Variants in NIPA2 observed in about 807,000 individuals in gnomAD.
The protein encoded by NIPA2 is NIPA magnesium transporter 2.
In NIPA2, 11 loss-of-function variants were observed where a neutral mutation model predicts 29.7. That is an observed-to-expected ratio of 0.37 (90% CI 0.23 to 0.61). The LOEUF (loss-of-function observed/expected upper bound fraction) is 0.61. Among genes scored for constraint, NIPA2 ranks in the 20% least tolerant of loss-of-function variants. The pLI is 0.66. For missense variants in NIPA2, 426 were observed against 437.9 expected, an observed-to-expected ratio of 0.97 and a Z score of 0.24; for synonymous variants, 183 against 161.9, an observed-to-expected ratio of 1.13 and a Z score of -0.99.
chr15:22,861,008 T>TA (rs1364005911), intron 7 of NIPA2, among the ~76,000 whole-genome samples: 16 of 152,238 alleles, frequency 1.1e-4, no homozygotes, highest in Non-Finnish European at 1.6e-4. Context: ...TGCTACTACT[T>TA]ACTTCCTTAG....
In NIPA2 at chr15:22,853,261, G is replaced by C; in HGVS notation, c.189G>C (p.Leu63=). 1 of 1,604,136 alleles carries C rather than the reference G, an allele frequency of 6.2e-7. No homozygotes were observed. Among genetic ancestry groups the C allele is most frequent in the Admixed American group, 1.7e-5 (1 of 59,858 alleles). Residue 63 remains leucine (L), a synonymous_variant, in exon 5 of 8, where the codon CTG becomes CTC. Coordinates refer to ENST00000337451, the MANE Select transcript of NIPA2 (RefSeq NM_030922.7). ...YLKEWLWWAG[L]LSMGAGEVAN... ...AGGAATGGTTGTGGTGGGCTGGACT[G>C]CTGTCAAGTATGTATAAAGAACATT...
chr15:22,865,358 C>T (rs1207852564), intron 7 of NIPA2, among the ~76,000 whole-genome samples: 1 of 151,868 alleles, frequency 6.6e-6, no homozygotes, highest in Admixed American at 6.6e-5. Flanking sequence ...TGTTGGCGGG[C>T]ACCTGTAGTC....
At chr15:22,843,799 C>T (rs917873994) in intron 2 of NIPA2, among the ~76,000 whole-genome samples, 17 of 151,964 alleles carry the variant, frequency 1.1e-4, no homozygotes, top group African/African-American at 3.9e-4. Flanking sequence ...TACAGGCACC[C>T]GCCCTCATGG....
At chr15:22,862,712 A>G (rs953005171) in intron 7 of NIPA2, among the ~76,000 whole-genome samples, 8 of 151,930 alleles carry the variant, frequency 5.3e-5, no homozygotes, top group African/African-American at 1.5e-4. Flanking sequence ...GCTTTTAGGC[A>G]TTTTTTAATT....
chr15:22,866,983 C>A lies in NIPA2; in HGVS notation c.*136C>A. 1.2e-6 allele frequency: 1 copy of A among 810,210 alleles called. No homozygotes were observed. The allele number at this position is 810,210 out of a possible 1,614,324, so 50.2% of individuals were successfully genotyped here. A position where few individuals can be genotyped will look rare whatever the true frequency, so the allele number is the denominator to read the frequency against. On this transcript the variant is annotated 3_prime_UTR_variant, in exon 8 of 8. Coordinates refer to ENST00000337451, the MANE Select transcript of NIPA2 (RefSeq NM_030922.7). ...TTTTAAAGATTTCACTAATTTGGAC[C>A]AAGAAATTACTTTTCTTGTATTTAA...
At chr15:22,841,786 C>T (rs994209241) in intron 2 of NIPA2, among the ~76,000 whole-genome samples, 8 of 152,172 alleles carry the variant, frequency 5.3e-5, no homozygotes, top group Admixed American at 3.3e-4. Context: ...GGATTATAGG[C>T]GTGAGCCACC....
intron 7 of NIPA2, among the ~76,000 whole-genome samples, chr15:22,861,955 G>A (rs897488270): frequency 3.3e-5 from 5 of 150,536 alleles, no homozygotes; most frequent in African/African-American, 4.9e-5. Context: ...CCAGGTTGGT[G>A]TCGAACTCCT....
intron 5 of NIPA2, among the ~76,000 whole-genome samples, chr15:22,855,245 T>C (rs994636874): frequency 1.2e-5 from 1 of 83,692 alleles, no homozygotes; most frequent in African/African-American, 5.3e-5. Flanking sequence ...ACCTCGTCTC[T>C]AGTAAAAAAA....
chr15:22,840,426 T>G (rs1027547374), intron 2 of NIPA2, among the ~76,000 whole-genome samples: 11 of 151,254 alleles, frequency 7.3e-5, no homozygotes, highest in African/African-American at 2.7e-4. Context: ...GCCTCCGGAG[T>G]AGCTGGGGTT....
intron 2 of NIPA2, among the ~76,000 whole-genome samples, chr15:22,842,350 G>A (rs72698087): frequency 0.059 from 9,041 of 152,278 alleles, 632 homozygotes; most frequent in East Asian, 0.39. Context: ...TAGCAGCAGA[G>A]TGCTGACCGG....
Position 22,849,437 on chromosome 15 carries a change from A to G in NIPA2, c.-93-2202A>G, listed in dbSNP as rs550753875. Among the ~76,000 whole-genome samples the G allele has an allele frequency of 2.6e-5, 4 of 152,220 alleles. No homozygotes were observed. In the South Asian group the frequency reaches 6.2e-4, roughly 24 times the overall value. On this transcript the variant is annotated intron_variant, in intron 3 of 7. Transcript: ENST00000337451. The stretch of plus-strand genomic sequence containing the variant: ...AGAGGGACTAGGGGTACTTTTCCAA[A>G]TCTGTTAAGGGAGAGGTCAGTTCTG...
In NIPA2 at chr15:22,860,622, AT is replaced by A; in HGVS notation, c.288-3del. 6.5e-7 allele frequency: 1 copy of A among 1,538,150 alleles called. No individual in the cohort carries two copies. Among genetic ancestry groups the A allele is most frequent in the Non-Finnish European group, 8.7e-7 (1 of 1,149,032 alleles). ...AAGTTCTCAATTTTTTTTCCTCCCCATTTTAGTGCCATTCTTTCTTCATACT... is the reference window on the plus strand; with the variant it reads ...AAGTTCTCAATTTTTTTTCCTCCCCATTTAGTGCCATTCTTTCTTCATACT... On this transcript the variant is annotated splice_polypyrimidine_tract_variant and splice_region_variant and intron_variant, in intron 6 of 7. Coordinates refer to ENST00000337451, the MANE Select transcript of NIPA2 (RefSeq NM_030922.7).
intron 1 of NIPA2, among the ~76,000 whole-genome samples, 190 bp from the exon 2 acceptor site, chr15:22,839,465 A>C (rs112873764): frequency 6.6e-6 from 1 of 152,142 alleles, no homozygotes; most frequent in African/African-American, 2.4e-5. Context: ...TACTTTTTTT[A>C]GTAAGAGGAA....
intron 5 of NIPA2, among the ~76,000 whole-genome samples, chr15:22,857,508 A>G (rs1459924201): frequency 6.6e-6 from 1 of 151,504 alleles, no homozygotes; most frequent in Non-Finnish European, 1.5e-5. Flanking sequence ...TCCTGATTCT[A>G]GAACAGGACC....
chr15:22,844,785 G>C (rs1474402195), intron 2 of NIPA2, among the ~76,000 whole-genome samples: 3 of 150,324 alleles, frequency 2.0e-5, no homozygotes, highest in African/African-American at 7.3e-5. Flanking sequence ...CAACAAAAAA[G>C]CCCTTCCCCT....
intron 5 of NIPA2, among the ~76,000 whole-genome samples, chr15:22,856,786 C>T (rs372018033): frequency 1.4e-5 from 2 of 139,742 alleles, no homozygotes; most frequent in East Asian, 4.0e-4. Flanking sequence ...ATACTCCTAA[C>T]AAAGATCAGC....
intron 6 of NIPA2, among the ~76,000 whole-genome samples, chr15:22,859,709 G>A (rs958372236): frequency 1.4e-4 from 22 of 152,034 alleles, no homozygotes; most frequent in African/African-American, 4.8e-4. Flanking sequence ...TTGATGTCTG[G>A]ATCTTGGTTA....
chr15:22,861,368 T>G (rs985524274), intron 7 of NIPA2, among the ~76,000 whole-genome samples: 1 of 152,182 alleles, frequency 6.6e-6, no homozygotes, highest in Non-Finnish European at 1.5e-5. Context: ...ACAGCTGTTA[T>G]CTGCATTTCT....
At position 22,867,903 on chromosome 15, in the gene NIPA2, TA is replaced by T. The variant is rs1300228914; in HGVS notation, c.*1058del. The T allele has an allele frequency of 6.6e-6, 1 of 152,194 alleles. No individual in the cohort carries two copies. Among genetic ancestry groups the T allele is most frequent in the Non-Finnish European group, 1.5e-5 (1 of 68,024 alleles). 9.4% of individuals were successfully genotyped at this position (152,194 alleles called of 1,614,324 possible). On this transcript the variant is annotated 3_prime_UTR_variant, in exon 8 of 8. Transcript: ENST00000337451. ...GCAAACATATGCAGAAAAGGTAGAA[TA>T]ATAAAAAAGGTCTAATGAACTCCAT...
Sources: allele counts gnomAD v4.1 joint callset (sites outside exome capture counted in the v4.1 genomes callset), GRCh38; gene constraint gnomAD v4.1.1; transcripts MANE v1.5; gene names NCBI Gene and HGNC (gene_info 2026-07-23, HGNC 2026-07-21).